The following CACNB4 variants were observed in gnomAD, a reference collection of about 807,000 sequenced individuals.
CACNB4 encodes the protein voltage-dependent L-type calcium channel subunit beta-4.
Under a neutral mutation model 71.2 loss-of-function variants are expected in CACNB4, and 32 were observed. The ratio of observed to expected loss-of-function variants is 0.45; its 90% CI spans 0.34 to 0.60. The LOEUF is 0.60. Ranked by LOEUF, CACNB4 falls within the 20% of genes least tolerant of loss-of-function variation. The pLI is 0.01. For missense variants in CACNB4, 464 were observed against 647.9 expected, an observed-to-expected ratio of 0.72 and a Z score of 3.08; for synonymous variants, 231 against 236.9, an observed-to-expected ratio of 0.97 and a Z score of 0.23.
chr2:151,960,709 C>G (rs1340429148), intron 2 of CACNB4, among the ~76,000 whole-genome samples: 2 of 152,154 alleles, frequency 1.3e-5, no homozygotes, highest in Admixed American at 6.5e-5. Context: ...CTCAGGATTC[C>G]AGCATCTAGT....
chr2:151,863,462 T>A (rs372930017), intron 9 of CACNB4, among the ~76,000 whole-genome samples: 267 of 152,328 alleles, frequency 1.8e-3, no homozygotes, highest in African/African-American at 5.6e-3. Context: ...AATCCAAATA[T>A]ATGACGAGAG....
At chr2:151,897,715 A>C (rs1281572272) in intron 2 of CACNB4, among the ~76,000 whole-genome samples, 2 of 152,186 alleles carry the variant, frequency 1.3e-5, no homozygotes, top group Non-Finnish European at 2.9e-5. Context: ...CTGGGCTGGA[A>C]TTCTAGGGCT....
At chr2:151,869,289 A>G (rs1452551736) in intron 8 of CACNB4, 54 bp from the exon 9 acceptor site, 6 of 1,047,722 alleles carry the variant, frequency 5.7e-6, no homozygotes, top group Admixed American at 2.0e-5. Context: ...AGAGAGAGAG[A>G]GAAGTCAAAA....
intron 2 of CACNB4, among the ~76,000 whole-genome samples, chr2:152,077,507 C>A (rs1031293730): frequency 6.6e-6 from 1 of 152,104 alleles, no homozygotes; most frequent in African/African-American, 2.4e-5. Context: ...AAGCCAAGAT[C>A]GCGCCACTGC....
At chr2:151,978,398 T>C (rs1387290845) in intron 2 of CACNB4, among the ~76,000 whole-genome samples, 2 of 152,196 alleles carry the variant, frequency 1.3e-5, no homozygotes, top group South Asian at 2.1e-4. Flanking sequence ...ATGCACCCCA[T>C]GTGAATGGTC....
chr2:152,051,196 C>T (rs930310428), intron 2 of CACNB4, among the ~76,000 whole-genome samples: 6 of 152,116 alleles, frequency 3.9e-5, no homozygotes, highest in Non-Finnish European at 8.8e-5. Flanking sequence ...TTTCCTTGAC[C>T]GCCCCCCATC....
chr2:151,927,734 G>T (rs1044184976), intron 2 of CACNB4, among the ~76,000 whole-genome samples: 8 of 152,244 alleles, frequency 5.3e-5, no homozygotes, highest in Non-Finnish European at 2.9e-5. Context: ...CAGGTGCTGA[G>T]TAGGTGGAGG....
intron 2 of CACNB4, chr2:151,973,635 G>A (rs988097147): frequency 1.9e-6 from 3 of 1,595,738 alleles, no homozygotes; most frequent in African/African-American, 1.3e-5. Flanking sequence ...GAAGAGGAGG[G>A]GAGAGGGAAT....
intron 8 of CACNB4, 63 bp from the exon 9 acceptor site, chr2:151,869,298 A>C: frequency 1.0e-6 from 1 of 971,204 alleles, no homozygotes; most frequent in Non-Finnish European, 1.6e-6. Flanking sequence ...GAGAAGTCAA[A>C]AGGGAGAGAG....
intron 2 of CACNB4, among the ~76,000 whole-genome samples, chr2:151,918,815 A>T (rs1002778348): frequency 6.6e-6 from 1 of 152,258 alleles, no homozygotes; most frequent in Non-Finnish European, 1.5e-5. Context: ...GAACTGACAA[A>T]GGCAGCACAT....
intron 2 of CACNB4, among the ~76,000 whole-genome samples, chr2:151,924,798 C>A (rs1054411617): frequency 6.6e-6 from 1 of 152,118 alleles, no homozygotes; most frequent in Non-Finnish European, 1.5e-5. Flanking sequence ...CATATGATAT[C>A]TGTTTTTCAT....
At position 151,933,927 on chromosome 2, in the gene CACNB4, C is replaced by A. The variant is rs556027327; in HGVS notation, c.148-50557G>T. ...CAGGCACTGCTGTGGAATATGAAATCTGCAGTCTCATGGCTATAGAATCAG... is the reference window on the plus strand; with the variant it reads ...CAGGCACTGCTGTGGAATATGAAATATGCAGTCTCATGGCTATAGAATCAG... On this transcript the variant is annotated intron_variant, in intron 2 of 13. Transcript: ENST00000539935. 2.6e-5 allele frequency among the ~76,000 whole-genome samples: 4 copies of A among 152,316 alleles called. No individual in the cohort carries two copies. In the East Asian group the frequency reaches 7.7e-4, roughly 29 times the overall value.
At position 151,838,391 on chromosome 2, in the gene CACNB4, A is replaced by G. The variant is rs1409373514; in HGVS notation, c.*728T>C. ...TTCAAATGAGCTAACAGTACTGACC[A>G]AACAAAAAGCAAAACACTTTGAATA... On this transcript the variant is annotated 3_prime_UTR_variant, in exon 14 of 14. Coordinates refer to ENST00000539935, the MANE Select transcript of CACNB4 (RefSeq NM_000726.5). 2.0e-5 allele frequency: 3 copies of G among 152,746 alleles called. No individual in the cohort carries two copies. The East Asian group carries it at 5.8e-4, about 29-fold the overall frequency. The allele number at this position is 152,746 out of a possible 1,614,324, so 9.5% of individuals were successfully genotyped here.
chr2:151,978,129 A>C (rs1250569335), intron 2 of CACNB4, among the ~76,000 whole-genome samples: 1 of 152,152 alleles, frequency 6.6e-6, no homozygotes, highest in Non-Finnish European at 1.5e-5. Flanking sequence ...AACAAACAAA[A>C]AAACTACAGA....
intron 12 of CACNB4, among the ~76,000 whole-genome samples, chr2:151,849,005 T>G (rs2099838334): frequency 6.7e-6 from 1 of 149,682 alleles, no homozygotes; most frequent in Admixed American, 6.7e-5. Context: ...CTGGTCATAT[T>G]AAAAAAAAAA....
At chr2:151,914,281 T>C (rs1335225181) in intron 2 of CACNB4, among the ~76,000 whole-genome samples, 1 of 152,218 alleles carries the variant, frequency 6.6e-6, no homozygotes, top group Non-Finnish European at 1.5e-5. Flanking sequence ...TACTTGTGTA[T>C]GCTTCACCAA....
chr2:152,032,585 A>G (rs1241424204), intron 2 of CACNB4, among the ~76,000 whole-genome samples: 1 of 152,204 alleles, frequency 6.6e-6, no homozygotes, highest in Non-Finnish European at 1.5e-5. Context: ...ATAATAGGGA[A>G]TTCAAAAAAA....
At chr2:152,069,395 G>A (rs1686535092) in intron 2 of CACNB4, among the ~76,000 whole-genome samples, 1 of 152,016 alleles carries the variant, frequency 6.6e-6, no homozygotes, top group Non-Finnish European at 1.5e-5. Context: ...AAGCCTCCTA[G>A]GAAATTGATC....
chr2:151,935,923 T>G (rs1291201110), intron 2 of CACNB4, among the ~76,000 whole-genome samples: 4 of 152,380 alleles, frequency 2.6e-5, no homozygotes, highest in Non-Finnish European at 4.4e-5. Context: ...AATCCTTTTG[T>G]TATAATTTTC....
Sources: allele counts gnomAD v4.1 joint callset (sites outside exome capture counted in the v4.1 genomes callset), GRCh38; gene constraint gnomAD v4.1.1; transcripts MANE v1.5; gene names NCBI Gene and HGNC (gene_info 2026-07-23, HGNC 2026-07-21).